Variants in SP110 observed in about 807,000 individuals in gnomAD.
The protein encoded by SP110 is SP110 nuclear body protein, also known as interferon-induced protein 41, 30kD.
SP110 carries 62 observed loss-of-function variants against 92.7 expected under a neutral mutation model. The observed-to-expected ratio is 0.67, with a 90% confidence interval of 0.55 to 0.83. The LOEUF (loss-of-function observed/expected upper bound fraction) is 0.83, where lower values mean the gene tolerates loss of function less well. Ranked by LOEUF, SP110 falls within the 40% of genes least tolerant of loss-of-function variation. SP110 has a pLI of 0.00. For synonymous variants in SP110, 273 were observed against 305.3 expected, an observed-to-expected ratio of 0.89 and a Z score of 1.10; for missense variants, 793 against 863.9, an observed-to-expected ratio of 0.92 and a Z score of 1.03.
At chr2:230,201,207 A>G (rs2148852713) in intron 9 of SP110, among the ~76,000 whole-genome samples, 1 of 152,374 alleles carries the variant, frequency 6.6e-6, no homozygotes, top group Non-Finnish European at 1.5e-5. Flanking sequence ...AGACATCCAC[A>G]GTGGGGTGCA....
chr2:230,213,441 T>C (rs2044722598), intron 3 of SP110, among the ~76,000 whole-genome samples: 1 of 152,186 alleles, frequency 6.6e-6, no homozygotes, highest in South Asian at 2.1e-4. Context: ...AAAATAAAAA[T>C]TCCTTAGCAG....
chr2:230,211,465 A>G lies in SP110; in HGVS notation c.751+5T>C, dbSNP rs1265563215. On this transcript the variant is annotated splice_donor_5th_base_variant and intron_variant, in intron 6 of 18. Coordinates refer to ENST00000258381, the MANE Select transcript of SP110 (RefSeq NM_080424.4). The surrounding 1 kb of genome is among the most constrained non-coding windows in gnomAD (Gnocchi z 4.2). ...AAGCTTTTAGGTTGACCAAACCAAG[A>G]TTACCTGGCATAGAGCCCAAGGGAG... 6.4e-7 allele frequency: 1 copy of G among 1,573,344 alleles called. No individual in the cohort carries two copies. Among genetic ancestry groups the G allele is most frequent in the South Asian group, 1.1e-5 (1 of 90,198 alleles).
intron 18 of SP110, 47 bp from the exon 19 acceptor site, chr2:230,169,284 C>A (rs777357004): frequency 9.4e-7 from 1 of 1,060,346 alleles, no homozygotes; most frequent in African/African-American, 1.6e-5. Context: ...TGAAGGATTA[C>A]AGCCATCAAA....
chr2:230,185,748 A>G (rs1244832935), intron 11 of SP110, among the ~76,000 whole-genome samples: 2 of 152,158 alleles, frequency 1.3e-5, no homozygotes, highest in African/African-American at 4.8e-5. Flanking sequence ...AGAAATGAAA[A>G]CAGCAGACAC....
rs1317674645 is a variant in SP110, at chr2:230,203,616, C to G, written c.899-888G>C. 2.0e-5 allele frequency: 3 copies of G among 149,190 alleles called. No homozygotes were observed. The East Asian group carries it at 6.0e-4, about 30-fold the overall frequency. The allele number at this position is 149,190 out of a possible 1,614,324, so 9.2% of individuals were successfully genotyped here. ...GAGCCTAAAACTTGCCTTTCATTGCCAAGTTTAGGGTTTTTTTTCTGCATA... is the reference window on the plus strand; with the variant it reads ...GAGCCTAAAACTTGCCTTTCATTGCGAAGTTTAGGGTTTTTTTTCTGCATA... On this transcript the variant is annotated intron_variant, in intron 8 of 18. Coordinates refer to ENST00000258381, the MANE Select transcript of SP110 (RefSeq NM_080424.4).
intron 11 of SP110, among the ~76,000 whole-genome samples, chr2:230,185,727 ACT>A (rs1201687392): frequency 6.6e-6 from 1 of 152,166 alleles, no homozygotes; most frequent in Non-Finnish European, 1.5e-5. Flanking sequence ...AGTAGTGGTG[ACT>A]CTAATAACAG....
rs879010004 is a variant in SP110, at chr2:230,202,522, A to G, written c.1048+57T>C. 4 of 1,563,256 alleles carry G rather than the reference A, an allele frequency of 2.6e-6. No homozygotes were observed. The South Asian group carries it at 4.4e-5, about 17-fold the overall frequency. On this transcript the variant is annotated intron_variant, in intron 9 of 18. Coordinates refer to ENST00000258381, the MANE Select transcript of SP110 (RefSeq NM_080424.4). ...ATCTACTTAACTCTGTACCTGCTTCAGGAGAGACCCTCCCACACTGAGCCA... is the reference window on the plus strand; with the variant it reads ...ATCTACTTAACTCTGTACCTGCTTCGGGAGAGACCCTCCCACACTGAGCCA...
At chr2:230,206,576 ATAT>A (rs2043829886) in intron 8 of SP110, among the ~76,000 whole-genome samples, 1 of 129,632 alleles carries the variant, frequency 7.7e-6, no homozygotes, top group African/African-American at 2.8e-5. Flanking sequence ...CAGATATTAT[ATAT>A]TATCTGGTCC....
In SP110 at chr2:230,170,052, G is replaced by A. The variant is rs561383061; in HGVS notation, c.2028+569C>T. Among the ~76,000 whole-genome samples, 3 of 152,298 alleles carry A rather than the reference G, an allele frequency of 2.0e-5. No individual in the cohort carries two copies. The South Asian group carries it at 6.2e-4, about 32-fold the overall frequency. ...CCTCCCAAGAAATATCTGTACAAGT[G>A]AGGATAAAAATCAGGAAAAACCAAA... On this transcript the variant is annotated intron_variant, in intron 18 of 18. Coordinates refer to ENST00000258381, the MANE Select transcript of SP110 (RefSeq NM_080424.4).
chr2:230,173,040 A>G, intron 14 of SP110, 81 bp from the exon 15 acceptor site: 2 of 950,800 alleles, frequency 2.1e-6, no homozygotes, highest in South Asian at 2.7e-5. Context: ...AGAACACATC[A>G]TTTTTGTGTG....
At position 230,208,011 on chromosome 2, in the gene SP110, T is replaced by C; in HGVS notation, c.878A>G (p.Lys293Arg). The C allele has an allele frequency of 6.4e-7, 1 of 1,565,162 alleles. No homozygotes were observed. Among genetic ancestry groups the C allele is most frequent in the South Asian group, 1.1e-5 (1 of 89,170 alleles). The change falls in exon 8 of 19, where the codon AAG (lysine) becomes AGG (arginine). Residue 293 changes from lysine (K) to arginine (R), a missense_variant. Transcript: ENST00000258381. ...CIWSTPKRRH[K>R]KKSLPGGTAS... ...CTTACCTCCTGGGAGGCTTTTTTTC[T>C]TATGTCTCCTTTTTGGAGTTGACCA...
chr2:230,172,136 G>T lies in SP110; in HGVS notation c.1745C>A (p.Ser582Tyr). The T allele has an allele frequency of 6.2e-7, 1 of 1,613,644 alleles. No individual in the cohort carries two copies. The highest frequency in any genetic ancestry group is 8.5e-7 in the Non-Finnish European group (1 of 1,179,492). The part of the protein sequence containing the change: ...WSCTFCRMKR[S>Y]SGSQQCHHVS... ...ATGATGGCACTGTTGGCTTCCTGAA[G>T]ACCTCTTCATCCTGCAGAAGGTGCA... Residue 582 changes from serine to tyrosine, a missense_variant, in exon 16 of 19, where the codon TCT becomes TAT. By Grantham distance (144) the Ser-to-Tyr change is moderately radical. Coordinates refer to ENST00000258381, the MANE Select transcript of SP110 (RefSeq NM_080424.4).
intron 10 of SP110, among the ~76,000 whole-genome samples, chr2:230,191,775 T>C (rs2148793370): frequency 6.6e-6 from 1 of 152,280 alleles, no homozygotes; most frequent in Non-Finnish European, 1.5e-5. Context: ...CCTCCTTAAC[T>C]CATTTTATGA....
chr2:230,171,159 C>T (rs1388470678), intron 17 of SP110, among the ~76,000 whole-genome samples: 3 of 152,138 alleles, frequency 2.0e-5, no homozygotes, highest in African/African-American at 7.2e-5. Context: ...GTGGTGCGAT[C>T]TTGGCTCACC....
At chr2:230,213,159 C>T in intron 3 of SP110, 132 bp from the exon 4 acceptor site, 1 of 847,288 alleles carries the variant, frequency 1.2e-6, no homozygotes, top group South Asian at 1.4e-5. Context: ...GTGCAGAGAA[C>T]TGATTCATTG....
intron 10 of SP110, 186 bp downstream of exon 10, chr2:230,200,699 T>C (rs1398630806): frequency 1.6e-6 from 1 of 627,052 alleles, no homozygotes; most frequent in Non-Finnish European, 2.8e-6. Context: ...TTACATAAAA[T>C]GGACATATAT....
upstream of SP110, chr2:230,220,124 A>T (rs1281771669): frequency 2.0e-6 from 2 of 977,678 alleles, no homozygotes; most frequent in African/African-American, 3.5e-5. Flanking sequence ...TGAGGCTCCC[A>T]GGACGTCTTG....
chr2:230,222,840 G>GTTT (rs35018428), upstream of SP110, among the ~76,000 whole-genome samples: 11 of 128,934 alleles, frequency 8.5e-5, no homozygotes, highest in Non-Finnish European at 9.9e-5. Flanking sequence ...GTGTATTAAA[G>GTTT]TTTTTTTTTT....
chr2:230,183,596 A>G lies in SP110; in HGVS notation c.1324T>C (p.Phe442Leu), dbSNP rs115380913. 405 of 1,610,072 alleles carry G rather than the reference A, an allele frequency of 2.5e-4. 2 individuals carry two copies. The East Asian group carries it at 8.3e-3, about 33-fold the overall frequency. Residue 442 changes from phenylalanine to leucine, a missense_variant, in exon 12 of 19, where the codon TTT becomes CTT. Coordinates refer to ENST00000258381, the MANE Select transcript of SP110 (RefSeq NM_080424.4). Reference sequence around the variant, plus strand: ...CCTCTTCGGTGAATATTTTTCTGAAATCTCCTTTTTGAGCTTGAACAGATA... The same window carrying G: ...CCTCTTCGGTGAATATTTTTCTGAAGTCTCCTTTTTGAGCTTGAACAGATA... Reference protein sequence around the residue: ...KDICSSSKRRFQKNIHRRGKP... With the variant: ...KDICSSSKRRLQKNIHRRGKP...
Sources: gnomAD v4.1 joint callset for allele counts (sites outside exome capture counted in the v4.1 genomes callset) on GRCh38, gnomAD v4.1.1 for gene constraint, Gnocchi (gnomAD v3.1) non-coding constraint, MANE v1.5 for transcripts, NCBI Gene and HGNC (gene_info 2026-07-23, HGNC 2026-07-21) for gene names.